The following CEP89 variants were observed in gnomAD, a reference collection of about 807,000 sequenced individuals.
The protein encoded by CEP89 is centrosomal protein 89.
A neutral mutation model predicts 97.6 loss-of-function variants in CEP89; 95 were observed. The observed-to-expected ratio is 0.97, with a 90% CI of 0.82 to 1.15. The LOEUF (loss-of-function observed/expected upper bound fraction) is 1.15, where lower values mean the gene tolerates loss of function less well. Among genes scored for constraint, CEP89 ranks in the 50% most tolerant of loss-of-function variants. The pLI is 0.00. For missense variants in CEP89, 869 were observed against 947.7 expected, an observed-to-expected ratio of 0.92 and a Z score of 1.09; for synonymous variants, 354 against 349.1, an observed-to-expected ratio of 1.01 and a Z score of -0.16.
chr19:32,915,588 G>A lies in CEP89; in HGVS notation c.1385-71C>T, dbSNP rs573496332. ...ACAAAACACAATTATGGGCTATTAG[G>A]AAATACTAATGAGAGTCAGCTGATA... On this transcript the variant is annotated intron_variant, in intron 13 of 18. Coordinates refer to ENST00000305768, the MANE Select transcript of CEP89 (RefSeq NM_032816.5). 5.4e-6 allele frequency: 7 copies of A among 1,305,066 alleles called. No individual in the cohort carries two copies. The East Asian group carries it at 1.4e-4, about 26-fold the overall frequency. 80.8% of individuals were successfully genotyped at this position (1,305,066 alleles called of 1,614,324 possible).
At chr19:32,884,738 A>G (rs1157754921) in intron 17 of CEP89, among the ~76,000 whole-genome samples, 2 of 151,792 alleles carry the variant, frequency 1.3e-5, no homozygotes, top group East Asian at 3.9e-4. Context: ...CTAATTTTAA[A>G]CTTTTTTTTA....
rs147269477 is a variant in CEP89, at chr19:32,913,946, C to T, written c.1565+1391G>A. Among the ~76,000 whole-genome samples, 1,313 of 152,106 alleles carry T rather than the reference C, an allele frequency of 8.6e-3. 11 individuals are homozygous for T. Among genetic ancestry groups the T allele is most frequent in the Middle Eastern group, 0.014 (4 of 294 alleles). The stretch of plus-strand genomic sequence containing the variant: ...GAGCCACCGTGCCCGGCCACACACA[C>T]GTCTTAAAAAATAAAATTGTAATCA... On this transcript the variant is annotated intron_variant, in intron 14 of 18. Coordinates refer to ENST00000305768, the MANE Select transcript of CEP89 (RefSeq NM_032816.5).
chr19:32,928,015 A>C (rs926254264), intron 9 of CEP89, among the ~76,000 whole-genome samples: 2 of 146,766 alleles, frequency 1.4e-5, no homozygotes, highest in Non-Finnish European at 3.0e-5. Context: ...TCCCAGGTTC[A>C]AGCAATTCTC....
chr19:32,966,022 G>GAA, intron 2 of CEP89: 1 of 164,218 alleles, frequency 6.1e-6, no homozygotes, highest in Non-Finnish European at 1.3e-5. Flanking sequence ...CGTTTCGAAG[G>GAA]AAAAAAAAAA....
At chr19:32,925,172 C>T (rs867966029) in intron 11 of CEP89, among the ~76,000 whole-genome samples, 88 of 152,200 alleles carry the variant, frequency 5.8e-4, no homozygotes, top group African/African-American at 1.9e-3. Context: ...ACATTTCTTT[C>T]GCTGGATCCT....
intron 17 of CEP89, among the ~76,000 whole-genome samples, chr19:32,884,573 T>C (rs1022513015): frequency 6.6e-6 from 1 of 152,154 alleles, no homozygotes; most frequent in African/African-American, 2.4e-5. Context: ...TTTAAAAAAA[T>C]TAAAACAATT....
At chr19:32,943,419 C>T (rs976441522) in intron 5 of CEP89, among the ~76,000 whole-genome samples, 4 of 152,218 alleles carry the variant, frequency 2.6e-5, no homozygotes, top group Admixed American at 1.3e-4. Flanking sequence ...ACCTTCCCCT[C>T]TCCAGAGGTA....
At chr19:32,892,632 T>G (rs1392069667) in intron 16 of CEP89, among the ~76,000 whole-genome samples, 1 of 145,312 alleles carries the variant, frequency 6.9e-6, no homozygotes, top group Non-Finnish European at 1.5e-5. Flanking sequence ...GAAGAAACCT[T>G]ACAGGCCAGG....
chr19:32,931,550 T>A lies in CEP89; in HGVS notation c.908A>T (p.Tyr303Phe). 1 of 1,585,458 alleles carries A rather than the reference T, an allele frequency of 6.3e-7. No individual in the cohort carries two copies. The highest frequency in any genetic ancestry group is 2.0e-5 in the Admixed American group (1 of 49,732). Residue 303 changes from tyrosine to phenylalanine, a missense_variant, in exon 9 of 19, where the codon TAT becomes TTT. Tyr to Phe is a conservative substitution (Grantham distance 22). Transcript: ENST00000305768. ...CAGTTCTTGAGCTTGTTTTCGCAGATAAAGTAATTCAGGTGCAGCAACTAG... is the reference window on the plus strand; with the variant it reads ...CAGTTCTTGAGCTTGTTTTCGCAGAAAAAGTAATTCAGGTGCAGCAACTAG... Reference protein sequence around the residue: ...SQEVAAPELLYLRKQAQELVD... With the variant: ...SQEVAAPELLFLRKQAQELVD...
In CEP89 at chr19:32,944,816, T is replaced by C. The variant is rs149286935; in HGVS notation, c.595+3450A>G. Among the ~76,000 whole-genome samples the C allele has an allele frequency of 4.1e-4, 62 of 152,144 alleles. No individual in the cohort carries two copies. In the East Asian group the frequency reaches 0.011, roughly 27 times the overall value. ...CTTCTTGGCAGAGGTCTCGCTAGAG[T>C]GCAGAGGGATGCACCAGGTGATGAA... On this transcript the variant is annotated intron_variant, in intron 5 of 18. Coordinates refer to ENST00000305768, the MANE Select transcript of CEP89 (RefSeq NM_032816.5).
intron 11 of CEP89, 81 bp downstream of exon 11, chr19:32,926,107 TAC>T (rs1970351930): frequency 1.0e-6 from 1 of 973,704 alleles, no homozygotes. Context: ...TGGGTATACC[TAC>T]ATTCAAAATG....
chr19:32,945,504 C>T (rs1315607433), intron 5 of CEP89, among the ~76,000 whole-genome samples: 1 of 152,116 alleles, frequency 6.6e-6, no homozygotes, highest in Non-Finnish European at 1.5e-5. Flanking sequence ...TCTCCAAATC[C>T]ACCTTCATGG....
intron 1 of CEP89, 178 bp downstream of exon 1, chr19:32,971,658 T>TAAAAAA: frequency 1.7e-6 from 1 of 590,212 alleles, no homozygotes; most frequent in African/African-American, 2.0e-5. Flanking sequence ...CCCTGTTTCT[T>TAAAAAA]AAAAAAAAAA....
At chr19:32,918,148 G>A (rs2278402) in intron 13 of CEP89, 76 bp downstream of exon 13, 267,050 of 1,235,812 alleles carry the variant, frequency 0.22, 31,652 homozygotes, top group East Asian at 0.54. Flanking sequence ...TGGGGCCCCC[G>A]GCAGGAGAGA....
At chr19:32,937,578 G>C in intron 7 of CEP89, 53 bp downstream of exon 7, 1 of 1,268,818 alleles carries the variant, frequency 7.9e-7, no homozygotes, top group East Asian at 2.3e-5. Flanking sequence ...AATTAATCTG[G>C]ATATTCTCCA....
intron 13 of CEP89, among the ~76,000 whole-genome samples, chr19:32,916,484 A>T (rs937023751): frequency 1.3e-5 from 2 of 152,278 alleles, no homozygotes; most frequent in East Asian, 3.9e-4. Context: ...AAGCTGCAAA[A>T]TTTTCAAGAT....
chr19:32,904,439 A>G (rs1426523691), intron 14 of CEP89, among the ~76,000 whole-genome samples: 2 of 152,220 alleles, frequency 1.3e-5, no homozygotes, highest in African/African-American at 4.8e-5. Context: ...CATGTAATCA[A>G]TAAAGTTTCA....
chr19:32,917,921 C>T (rs902209425), intron 13 of CEP89: 4 of 360,386 alleles, frequency 1.1e-5, no homozygotes, highest in African/African-American at 6.6e-5. Context: ...GTTTACCTCA[C>T]GTGATCATTC....
chr19:32,960,944 G>A lies in CEP89; in HGVS notation c.147-886C>T, dbSNP rs908880711. 2.0e-5 allele frequency among the ~76,000 whole-genome samples: 3 copies of A among 152,216 alleles called. No individual in the cohort carries two copies. The East Asian group carries it at 5.8e-4, about 29-fold the overall frequency. On this transcript the variant is annotated intron_variant, in intron 2 of 18. Coordinates refer to ENST00000305768, the MANE Select transcript of CEP89 (RefSeq NM_032816.5). Reference sequence around the variant, plus strand: ...CCCTGAGTTGCAGAGATGGAGCTGAGAGAATGTGTAGGATAGAGTGCCGGA... The same window carrying A: ...CCCTGAGTTGCAGAGATGGAGCTGAAAGAATGTGTAGGATAGAGTGCCGGA...
Sources: allele counts gnomAD v4.1 joint callset (sites outside exome capture counted in the v4.1 genomes callset), GRCh38; gene constraint gnomAD v4.1.1; transcripts MANE v1.5; gene names NCBI Gene and HGNC (gene_info 2026-07-23, HGNC 2026-07-21).